Variants in ANO6 observed in about 807,000 individuals in gnomAD.
ANO6 encodes anoctamin-6.
Under a neutral mutation model 117.5 loss-of-function variants are expected in ANO6, and 106 were observed. That is an observed-to-expected ratio of 0.90 (90% confidence interval 0.77 to 1.06). ANO6 has a LOEUF of 1.06. Among genes scored for constraint, ANO6 ranks in the 50% least tolerant of loss-of-function variants. ANO6 has a pLI of 0.00. For missense variants in ANO6, 955 were observed against 1,121.1 expected (o/e 0.85, Z 2.12); for synonymous variants, 367 against 385.1 (o/e 0.95, Z 0.55).
At chr12:45,315,495 C>A (rs925467146) in intron 2 of ANO6, among the ~76,000 whole-genome samples, 1 of 151,962 alleles carries the variant, frequency 6.6e-6, no homozygotes, top group Non-Finnish European at 1.5e-5. Context: ...CTGGCCACTC[C>A]CGTTTCACTT....
rs201212498 is a variant in ANO6, at chr12:45,421,241, G to A, written c.2388G>A (p.Pro796=). ...TCAAAAACAAAAGCAAGGGAAACCC[G>A]TACTCTGACCTGGGTAACCATACCA... ...ADFKNKSKGN[P]YSDLGNHTTC... Residue 796 remains proline (P), a synonymous_variant, in exon 18 of 20, where the codon CCG becomes CCA. Transcript: ENST00000320560. 2.9e-5 allele frequency: 47 copies of A among 1,613,992 alleles called. No homozygotes were observed. Among genetic ancestry groups the A allele is most frequent in the Middle Eastern group, 3.3e-4 (2 of 6,082 alleles).
At chr12:45,277,725 T>G (rs1187580283) in intron 1 of ANO6, among the ~76,000 whole-genome samples, 2 of 152,238 alleles carry the variant, frequency 1.3e-5, no homozygotes, top group Non-Finnish European at 2.9e-5. Context: ...GGAAATTATC[T>G]GCTCTCAGAA....
chr12:45,406,949 G>T (rs1322758824), intron 15 of ANO6, among the ~76,000 whole-genome samples: 1 of 152,172 alleles, frequency 6.6e-6, no homozygotes, highest in Non-Finnish European at 1.5e-5. Flanking sequence ...TTATGATGTG[G>T]CTATGACAAT....
chr12:45,324,737 G>A (rs959931015), intron 2 of ANO6, among the ~76,000 whole-genome samples: 20 of 152,202 alleles, frequency 1.3e-4, no homozygotes, highest in Admixed American at 7.9e-4. Flanking sequence ...AAGGGAAGCT[G>A]CAGAAGAATT....
intron 3 of ANO6, among the ~76,000 whole-genome samples, chr12:45,342,023 CTCTA>C (rs1388787772): frequency 2.0e-5 from 3 of 152,028 alleles, no homozygotes; most frequent in South Asian, 2.1e-4. Flanking sequence ...TGTTTTTTCC[CTCTA>C]TCTTTTAGAT....
rs1216322252 is a variant in ANO6 at position 45,267,826 on chromosome 12, A to G, written c.71-34188A>G. Among the ~76,000 whole-genome samples the G allele has an allele frequency of 4.6e-5, 7 of 152,172 alleles. No individual in the cohort carries two copies. In the East Asian group the frequency reaches 1.3e-3, roughly 29 times the overall value. On this transcript the variant is annotated intron_variant, in intron 1 of 19. Coordinates refer to ENST00000320560, the MANE Select transcript of ANO6 (RefSeq NM_001025356.3). ...AGCACTTACTTGTTGTAAATTATGT[A>G]TGAAGAGGCTAGCATAAAGAAGAAA...
At chr12:45,433,540 C>T (rs1403985822), downstream of ANO6, among the ~76,000 whole-genome samples, 3 of 152,168 alleles carry the variant, frequency 2.0e-5, no homozygotes, top group African/African-American at 7.2e-5. Flanking sequence ...GTGAACCTAA[C>T]ACGGTGAGTT....
At chr12:45,351,135 C>T (rs1052681406) in intron 7 of ANO6, among the ~76,000 whole-genome samples, 4 of 152,144 alleles carry the variant, frequency 2.6e-5, no homozygotes, top group Admixed American at 6.5e-5. Context: ...AACTATCAGG[C>T]GTAGTCCTAG....
chr12:45,273,879 G>A (rs889017430), intron 1 of ANO6, among the ~76,000 whole-genome samples: 1 of 152,188 alleles, frequency 6.6e-6, no homozygotes, highest in African/African-American at 2.4e-5. Flanking sequence ...ACACTTATGG[G>A]TAAGGAATGT....
At chr12:45,217,470 A>T (rs1342257489) in intron 1 of ANO6, among the ~76,000 whole-genome samples, 1 of 152,236 alleles carries the variant, frequency 6.6e-6, no homozygotes, top group Non-Finnish European at 1.5e-5. Flanking sequence ...GATCAAAAAA[A>T]TTTGGTAACT....
chr12:45,375,840 C>A (rs1191216597), intron 9 of ANO6, among the ~76,000 whole-genome samples: 8 of 150,070 alleles, frequency 5.3e-5, no homozygotes, highest in Admixed American at 4.6e-4. Context: ...GCAACAAAAG[C>A]CAAAATTGAC....
intron 2 of ANO6, among the ~76,000 whole-genome samples, chr12:45,323,676 A>G (rs533041142): frequency 2.6e-5 from 4 of 152,302 alleles, no homozygotes; most frequent in East Asian, 3.9e-4. Context: ...AGTTTTAAAG[A>G]GATACAATAT....
intron 12 of ANO6, among the ~76,000 whole-genome samples, chr12:45,399,384 C>T (rs1395427162): frequency 6.6e-6 from 1 of 152,008 alleles, no homozygotes; most frequent in Non-Finnish European, 1.5e-5. Context: ...TTAGTACAGT[C>T]GGGGTTTCAC....
At chr12:45,294,367 T>A (rs1373752464) in intron 1 of ANO6, among the ~76,000 whole-genome samples, 7 of 152,216 alleles carry the variant, frequency 4.6e-5, no homozygotes, top group African/African-American at 1.7e-4. Flanking sequence ...AAAAATGTTC[T>A]TACCCTGACA....
In ANO6 at chr12:45,431,302, G is replaced by A. The variant is rs1228274742; in HGVS notation, c.*1991G>A. 2.0e-6 allele frequency: 2 copies of A among 985,274 alleles called. No homozygotes were observed. The highest frequency in any genetic ancestry group is 2.4e-6 in the Non-Finnish European group (2 of 829,938). The allele number at this position is 985,274 out of a possible 1,614,324, so 61.0% of individuals were successfully genotyped here. ...CTTCACTCCTGAGATACTGCTTCTG[G>A]AAGCGGGTGTCACTTCCTCTCTAGT... On this transcript the variant is annotated 3_prime_UTR_variant, in exon 20 of 20. Transcript: ENST00000320560.
chr12:45,401,529 G>C (rs554196072), intron 12 of ANO6, among the ~76,000 whole-genome samples: 1 of 152,150 alleles, frequency 6.6e-6, no homozygotes, highest in Admixed American at 6.5e-5. Flanking sequence ...ACATAAAATA[G>C]TTTCCAGTTC....
At chr12:45,379,035 T>C (rs1266305128) in intron 10 of ANO6, among the ~76,000 whole-genome samples, 2 of 152,228 alleles carry the variant, frequency 1.3e-5, no homozygotes, top group African/African-American at 4.8e-5. Context: ...AATGTTTAAT[T>C]GATCTGAATG....
At chr12:45,272,453 C>T (rs1938424533) in intron 1 of ANO6, among the ~76,000 whole-genome samples, 1 of 152,152 alleles carries the variant, frequency 6.6e-6, no homozygotes, top group South Asian at 2.1e-4. Flanking sequence ...TTTACCTGTT[C>T]ACTAGAGAGA....
rs76004259 is a variant in ANO6 at position 45,351,426 on chromosome 12, G to A, written c.863+652G>A. 7.6e-3 allele frequency among the ~76,000 whole-genome samples: 1,163 copies of A among 152,268 alleles called. 19 individuals are homozygous for A. The highest frequency in any genetic ancestry group is 0.027 in the African/African-American group (1,107 of 41,554). On this transcript the variant is annotated intron_variant, in intron 7 of 19. Coordinates refer to ENST00000320560, the MANE Select transcript of ANO6 (RefSeq NM_001025356.3). ...TGTTGGTTTTCCTCCAGAAGCTTAC[G>A]TTGTTTGGGCAGGGCTGAGGATTCT... is the stretch of plus-strand genomic sequence containing the variant.
Sources: allele counts gnomAD v4.1 joint callset (sites outside exome capture counted in the v4.1 genomes callset), GRCh38; gene constraint gnomAD v4.1.1; transcripts MANE v1.5; gene names NCBI Gene and HGNC (gene_info 2026-07-23, HGNC 2026-07-21).